Variants in CACNA2D1 observed in about 807,000 individuals in gnomAD.
CACNA2D1 encodes the protein voltage-dependent calcium channel subunit alpha-2/delta-1.
Under a neutral mutation model 171.5 loss-of-function variants are expected in CACNA2D1, and 53 were observed. That is an observed-to-expected ratio of 0.31 (90% CI 0.25 to 0.39). The LOEUF (loss-of-function observed/expected upper bound fraction) is 0.39, where lower values mean the gene tolerates loss of function less well. CACNA2D1 is among the 10% of genes least tolerant of loss of function. CACNA2D1 has a pLI of 1.00. For missense variants in CACNA2D1, 903 were observed against 1,299.8 expected (o/e 0.69, Z 4.69); for synonymous variants, 442 against 443.1 (o/e 1.00, Z 0.03).
At chr7:82,430,923 G>A (rs1829619321) in intron 1 of CACNA2D1, among the ~76,000 whole-genome samples, 1 of 152,190 alleles carries the variant, frequency 6.6e-6, no homozygotes, top group Admixed American at 6.5e-5. Flanking sequence ...GAGGATATTG[G>A]TGGTAAAGCT....
intron 3 of CACNA2D1, among the ~76,000 whole-genome samples, chr7:82,173,609 C>T (rs1051372190): frequency 6.6e-6 from 1 of 151,664 alleles, no homozygotes; most frequent in Admixed American, 6.6e-5. Flanking sequence ...GGTGGTGCTA[C>T]AAACCAGCCG....
intron 1 of CACNA2D1, among the ~76,000 whole-genome samples, chr7:82,402,398 A>G (rs952801149): frequency 2.0e-5 from 3 of 152,172 alleles, no homozygotes; most frequent in Admixed American, 6.5e-5. Context: ...GAATGAAGAT[A>G]GAAGGAGAGA....
Position 82,038,247 on chromosome 7 carries a change from T to C in CACNA2D1, c.880-12A>G, listed in dbSNP as rs185600365. 2.7e-5 allele frequency: 44 copies of C among 1,604,630 alleles called. 1 individual carries two copies. The East Asian group carries it at 9.6e-4, about 35-fold the overall frequency. On this transcript the variant is annotated splice_polypyrimidine_tract_variant and intron_variant, in intron 10 of 38. Transcript: ENST00000356860. ...GCATTGCTGTTAAACTGCAAAAGAT[T>C]AAAAAGTAAATATATAAATGAACAT...
intron 10 of CACNA2D1, among the ~76,000 whole-genome samples, chr7:82,038,815 G>T (rs1803618410): frequency 6.6e-6 from 1 of 152,126 alleles, no homozygotes; most frequent in Admixed American, 6.6e-5. Context: ...GAGTGCCAGG[G>T]GAACCTTGGA....
rs542319256 is a variant in CACNA2D1, at chr7:82,398,269, G to T, written c.95+45096C>A. Among the ~76,000 whole-genome samples the T allele has an allele frequency of 9.3e-4, 142 of 152,244 alleles. 1 individual carries two copies. Among genetic ancestry groups the T allele is most frequent in the Middle Eastern group, 6.8e-3 (2 of 292 alleles). On this transcript the variant is annotated intron_variant, in intron 1 of 38. Coordinates refer to ENST00000356860, the MANE Select transcript of CACNA2D1 (RefSeq NM_000722.4). The stretch of plus-strand genomic sequence containing the variant: ...TCTCAATTTCTTCATGATTTTTATT[G>T]CAGCAAATCAACAACTTTACTACTC...
intron 4 of CACNA2D1, among the ~76,000 whole-genome samples, chr7:82,168,731 T>C (rs2129144800): frequency 6.6e-6 from 1 of 152,222 alleles, no homozygotes; most frequent in South Asian, 2.1e-4. Context: ...TAGGCATTAC[T>C]ACAACCCTAC....
chr7:82,387,619 T>A (rs1038797879), intron 1 of CACNA2D1, among the ~76,000 whole-genome samples: 2 of 152,334 alleles, frequency 1.3e-5, no homozygotes, highest in Non-Finnish European at 2.9e-5. Context: ...CACCCGATTT[T>A]ATGATTCATT....
intron 3 of CACNA2D1, among the ~76,000 whole-genome samples, chr7:82,188,363 T>C (rs1471653096): frequency 6.6e-6 from 1 of 152,118 alleles, no homozygotes; most frequent in Non-Finnish European, 1.5e-5. Context: ...GTGAGATAAT[T>C]TAAGCAAAAT....
chr7:82,288,422 TACACACAC>T lies in CACNA2D1; in HGVS notation c.294+46705_294+46712del, dbSNP rs3054677. 6.9e-3 allele frequency among the ~76,000 whole-genome samples: 1,022 copies of T among 147,184 alleles called. 10 individuals are homozygous for T. The highest frequency in any genetic ancestry group is 0.021 in the African/African-American group (823 of 40,094). On this transcript the variant is annotated intron_variant, in intron 3 of 38. Transcript: ENST00000356860. ...TAAAAGATGTATTATTTTGCTTCTA[TACACACAC>T]ACACACACACACACACACACACACA...
At chr7:82,148,704 C>A (rs1232681707) in intron 4 of CACNA2D1, among the ~76,000 whole-genome samples, 1 of 152,168 alleles carries the variant, frequency 6.6e-6, no homozygotes, top group Non-Finnish European at 1.5e-5. Flanking sequence ...GTGGCACAAT[C>A]TCGGCTCAGT....
chr7:82,330,912 T>A (rs1427088042), intron 3 of CACNA2D1, among the ~76,000 whole-genome samples: 1 of 152,100 alleles, frequency 6.6e-6, no homozygotes, highest in Non-Finnish European at 1.5e-5. Context: ...AAATTTCACA[T>A]TCTTGCTGCT....
At chr7:82,032,608 T>C (rs2131151958) in intron 12 of CACNA2D1, among the ~76,000 whole-genome samples, 189 bp downstream of exon 12, 1 of 151,972 alleles carries the variant, frequency 6.6e-6, no homozygotes, top group South Asian at 2.1e-4. Flanking sequence ...CTTGTGAATA[T>C]GATATAAATA....
At chr7:82,107,205 G>C (rs74521466) in intron 6 of CACNA2D1, among the ~76,000 whole-genome samples, 12,367 of 152,122 alleles carry the variant, frequency 0.081, 596 homozygotes, top group South Asian at 0.16. Flanking sequence ...TAGTACCCTA[G>C]GTAGTTCTGG....
chr7:82,084,821 T>C lies in CACNA2D1; in HGVS notation c.606A>G (p.Ser202=). Residue 202 remains serine, a synonymous_variant, in exon 7 of 39, where the codon TCA becomes TCG. Coordinates refer to ENST00000356860, the MANE Select transcript of CACNA2D1 (RefSeq NM_000722.4). ...CACTGCCAAAAACCTGCCACAATAA[T>C]GAAGGGTCTTCCTCGCGATTCTTTT... is the stretch of plus-strand genomic sequence containing the variant. ...VFKKNREEDP[S]LLWQVFGSAT... 6.2e-7 allele frequency: 1 copy of C among 1,614,048 alleles called. No homozygotes were observed.
At chr7:82,251,136 T>C (rs571359765) in intron 3 of CACNA2D1, among the ~76,000 whole-genome samples, 2 of 152,216 alleles carry the variant, frequency 1.3e-5, no homozygotes, top group South Asian at 4.1e-4. Context: ...ATCTCCCATC[T>C]CTCAACGCCA....
At chr7:82,118,396 G>A (rs1453971176) in intron 5 of CACNA2D1, among the ~76,000 whole-genome samples, 1 of 152,132 alleles carries the variant, frequency 6.6e-6, no homozygotes, top group East Asian at 1.9e-4. Flanking sequence ...TAAAAATTAC[G>A]AGTTAAGTAA....
chr7:82,229,043 T>C (rs1299650559), intron 3 of CACNA2D1, among the ~76,000 whole-genome samples: 2 of 152,198 alleles, frequency 1.3e-5, no homozygotes, highest in African/African-American at 2.4e-5. Flanking sequence ...TTGGTAGCAT[T>C]TAATGGGTTT....
chr7:82,297,384 CT>C (rs1812429871), intron 3 of CACNA2D1, among the ~76,000 whole-genome samples: 1 of 152,136 alleles, frequency 6.6e-6, no homozygotes, highest in Non-Finnish European at 1.5e-5. Context: ...TTAATACTTC[CT>C]TTGTGGGGGG....
chr7:81,975,571 G>A (rs1795755947), intron 24 of CACNA2D1, among the ~76,000 whole-genome samples: 1 of 151,974 alleles, frequency 6.6e-6, no homozygotes, highest in Non-Finnish European at 1.5e-5. Context: ...ATGGGTAGTT[G>A]TAACATGGAA....
Sources: allele counts gnomAD v4.1 joint callset (sites outside exome capture counted in the v4.1 genomes callset), GRCh38; gene constraint gnomAD v4.1.1; transcripts MANE v1.5; gene names NCBI Gene and HGNC (gene_info 2026-07-23, HGNC 2026-07-21).